The following ATP9B variants were observed in gnomAD, a reference collection of about 807,000 sequenced individuals.
The protein encoded by ATP9B is probable phospholipid-transporting ATPase IIB.
Under a neutral mutation model 146.1 loss-of-function variants are expected in ATP9B, and 110 were observed. The observed-to-expected ratio is 0.75, with a 90% CI of 0.65 to 0.88. The LOEUF (loss-of-function observed/expected upper bound fraction) is 0.88. Ranked by LOEUF, ATP9B falls within the 40% of genes least tolerant of loss-of-function variation. The pLI is 0.00. For synonymous variants in ATP9B, 604 were observed against 569.7 expected, an observed-to-expected ratio of 1.06 and a Z score of -0.86; for missense variants, 1,499 against 1,496.4, an observed-to-expected ratio of 1.00 and a Z score of -0.03.
In ATP9B at chr18:79,246,861, C is replaced by A. The variant is rs916547132; in HGVS notation, c.1108-6520C>A. ...GTGACTCCTACACTTCAGCCTCCTCCTCCTCCTGATTTTCAGTTAAACAAT... is the reference window on the plus strand; with the variant it reads ...GTGACTCCTACACTTCAGCCTCCTCATCCTCCTGATTTTCAGTTAAACAAT... On this transcript the variant is annotated intron_variant, in intron 11 of 29. Coordinates refer to ENST00000426216, the MANE Select transcript of ATP9B (RefSeq NM_198531.5). 3.3e-5 allele frequency among the ~76,000 whole-genome samples: 5 copies of A among 152,350 alleles called. 1 individual carries two copies. Among genetic ancestry groups the A allele is most frequent in the Admixed American group, 3.3e-4 (5 of 15,306 alleles).
chr18:79,253,685 C>A (rs920826959), intron 12 of ATP9B, 144 bp downstream of exon 12: 3 of 885,970 alleles, frequency 3.4e-6, no homozygotes, highest in African/African-American at 3.5e-5. Flanking sequence ...TTGAGGAATT[C>A]TTCTGTGGAA....
At chr18:79,165,496 C>T (rs191507243) in intron 7 of ATP9B, among the ~76,000 whole-genome samples, 63 of 152,316 alleles carry the variant, frequency 4.1e-4, no homozygotes, top group African/African-American at 1.2e-3. Context: ...GTAAATTGTC[C>T]CTAGTTGAAA....
At chr18:79,369,717 AGCGT>A (rs1278080330) in intron 26 of ATP9B, among the ~76,000 whole-genome samples, 3 of 152,210 alleles carry the variant, frequency 2.0e-5, no homozygotes, top group Non-Finnish European at 4.4e-5. Flanking sequence ...CACGCGCATC[AGCGT>A]GCTCTGTGCC....
chr18:79,240,734 G>A lies in ATP9B; in HGVS notation c.1108-12647G>A, dbSNP rs533280366. Among the ~76,000 whole-genome samples the A allele has an allele frequency of 5.9e-5, 9 of 152,328 alleles. No individual in the cohort carries two copies. The South Asian group carries it at 1.5e-3, about 25-fold the overall frequency. ...TTACTGCAACCTGGGCAACAAGAGC[G>A]AAACTCCGCCTCAAAAAACAACAGA... On this transcript the variant is annotated intron_variant, in intron 11 of 29. Transcript: ENST00000426216.
intron 1 of ATP9B, among the ~76,000 whole-genome samples, chr18:79,070,906 A>G (rs978188128): frequency 6.6e-6 from 1 of 151,754 alleles, no homozygotes; most frequent in Non-Finnish European, 1.5e-5. Flanking sequence ...TGGATCTTAT[A>G]TTTTTTATCA....
chr18:79,078,812 G>C (rs1568370645), intron 1 of ATP9B, among the ~76,000 whole-genome samples: 1 of 151,824 alleles, frequency 6.6e-6, no homozygotes, highest in Admixed American at 6.6e-5. Context: ...CCTTCACCTA[G>C]CCCCCCACAC....
At chr18:79,137,153 G>C (rs1250605120) in intron 5 of ATP9B, among the ~76,000 whole-genome samples, 1 of 152,022 alleles carries the variant, frequency 6.6e-6, no homozygotes, top group Non-Finnish European at 1.5e-5. Context: ...GTTTGATTTG[G>C]GTCTTTTTTG....
intron 2 of ATP9B, among the ~76,000 whole-genome samples, chr18:79,105,156 C>T (rs1466625196): frequency 1.3e-5 from 2 of 152,166 alleles, no homozygotes; most frequent in South Asian, 2.1e-4. Context: ...TTAAACCCTG[C>T]ACGTTAGAGA....
At chr18:79,240,265 G>A (rs2095876155) in intron 11 of ATP9B, among the ~76,000 whole-genome samples, 1 of 152,194 alleles carries the variant, frequency 6.6e-6, no homozygotes, top group South Asian at 2.1e-4. Context: ...ATTGATACCA[G>A]TTGAGCAGGA....
chr18:79,295,075 C>T (rs972544605), intron 13 of ATP9B, among the ~76,000 whole-genome samples: 5 of 148,238 alleles, frequency 3.4e-5, no homozygotes, highest in African/African-American at 1.0e-4. Context: ...CGTGTGCGTG[C>T]ATCCATGAAT....
intron 5 of ATP9B, among the ~76,000 whole-genome samples, chr18:79,141,343 C>T (rs2147384333): frequency 6.6e-6 from 1 of 152,258 alleles, no homozygotes; most frequent in Non-Finnish European, 1.5e-5. Flanking sequence ...AAACCTCTTT[C>T]CTTTATAAAT....
chr18:79,253,534 C>T lies in ATP9B; in HGVS notation c.1261C>T (p.Pro421Ser). The change falls in exon 12 of 30, where the codon CCC becomes TCC. Residue 421 changes from proline (P) to serine (S), a missense_variant. Pro to Ser is a moderately conservative substitution (Grantham distance 74). Coordinates refer to ENST00000426216, the MANE Select transcript of ATP9B (RefSeq NM_198531.5). ...CCTTCTCCTCTTTTCTTACATCATT[C>T]CCATAAGGTAAGTTTAAAAATGAAA... ...RFLLLFSYII[P>S]ISLRVNLDMG... 1 of 1,585,298 alleles carries T rather than the reference C, an allele frequency of 6.3e-7. No homozygotes were observed. The highest frequency in any genetic ancestry group is 8.5e-7 in the Non-Finnish European group (1 of 1,171,342).
intron 6 of ATP9B, 53 bp downstream of exon 6, chr18:79,143,913 T>G (rs562964251): frequency 1.8e-6 from 2 of 1,119,518 alleles, no homozygotes; most frequent in Non-Finnish European, 2.5e-6. Flanking sequence ...TATTAATGTT[T>G]AGCCTGATTA....
chr18:79,255,651 T>C (rs1270128419), intron 12 of ATP9B, among the ~76,000 whole-genome samples: 1 of 152,196 alleles, frequency 6.6e-6, no homozygotes, highest in Non-Finnish European at 1.5e-5. Context: ...CTGCTTCTGC[T>C]CCTAGAGCTG....
intron 11 of ATP9B, among the ~76,000 whole-genome samples, chr18:79,221,867 G>T (rs1440693379): frequency 1.6e-4 from 16 of 98,972 alleles, no homozygotes; most frequent in Admixed American, 3.6e-4. Context: ...AAACTTCTTT[G>T]GCCAATTTTT....
chr18:79,353,041 A>G (rs1306952770), intron 25 of ATP9B: 1 of 152,254 alleles, frequency 6.6e-6, no homozygotes, highest in Non-Finnish European at 1.5e-5. Context: ...TGTATTTAAC[A>G]TCATTAGTTA....
chr18:79,290,277 A>T (rs1052813888), intron 13 of ATP9B, among the ~76,000 whole-genome samples: 8 of 152,126 alleles, frequency 5.3e-5, no homozygotes, highest in Non-Finnish European at 1.2e-4. Flanking sequence ...ACCCAGTTGG[A>T]GCTTCCTGGC....
chr18:79,321,752 A>G (rs1272979739), intron 15 of ATP9B, among the ~76,000 whole-genome samples: 2 of 152,254 alleles, frequency 1.3e-5, no homozygotes, highest in Non-Finnish European at 2.9e-5. Flanking sequence ...GATTTTTGTT[A>G]TAAGCTGCTC....
chr18:79,127,429 C>T (rs1382638643), intron 5 of ATP9B, among the ~76,000 whole-genome samples: 4 of 152,168 alleles, frequency 2.6e-5, no homozygotes, highest in African/African-American at 9.7e-5. Flanking sequence ...TGGTTTTGCC[C>T]ACTCTGCACA....
Sources: allele counts gnomAD v4.1 joint callset (sites outside exome capture counted in the v4.1 genomes callset), GRCh38; gene constraint gnomAD v4.1.1; transcripts MANE v1.5; gene names NCBI Gene and HGNC (gene_info 2026-07-23, HGNC 2026-07-21).